ANKS1B: variants seen among roughly 807,000 people sequenced by gnomAD.
ANKS1B encodes ankyrin repeat and sterile alpha motif domain-containing protein 1B.
Under a neutral mutation model 148.3 loss-of-function variants are expected in ANKS1B, and 36 were observed. That is an observed-to-expected ratio of 0.24 (90% CI 0.19 to 0.32). ANKS1B has a LOEUF of 0.32. Among genes scored for constraint, ANKS1B ranks in the 10% least tolerant of loss-of-function variants. ANKS1B has a pLI of 1.00. For missense variants in ANKS1B, 1,157 were observed against 1,542.6 expected, an observed-to-expected ratio of 0.75 and a Z score of 4.19; for synonymous variants, 542 against 560.8, an observed-to-expected ratio of 0.97 and a Z score of 0.47.
chr12:99,433,397 T>G (rs577073314), intron 11 of ANKS1B, among the ~76,000 whole-genome samples: 1 of 152,140 alleles, frequency 6.6e-6, no homozygotes, highest in Non-Finnish European at 1.5e-5. Flanking sequence ...CATGTACAAA[T>G]AAAAGCAGAA....
intron 8 of ANKS1B, among the ~76,000 whole-genome samples, chr12:99,670,733 T>A (rs1369034711): frequency 6.6e-6 from 1 of 152,072 alleles, no homozygotes; most frequent in Non-Finnish European, 1.5e-5. Flanking sequence ...GAGGAGAGAA[T>A]TCACAGAGTG....
intron 4 of ANKS1B, among the ~76,000 whole-genome samples, chr12:99,796,892 A>G (rs2066322779): frequency 1.3e-5 from 2 of 151,980 alleles, no homozygotes; most frequent in South Asian, 4.1e-4. Context: ...AAGAAGACAC[A>G]GAATTCTTCA....
intron 1 of ANKS1B, among the ~76,000 whole-genome samples, chr12:99,854,201 A>G (rs570561060): frequency 6.6e-6 from 1 of 152,178 alleles, no homozygotes; most frequent in Admixed American, 6.5e-5. Context: ...TTTAGTAGAG[A>G]CGGGGTTTCA....
At chr12:99,443,536 T>C in intron 11 of ANKS1B, 137 bp downstream of exon 11, 1 of 889,230 alleles carries the variant, frequency 1.1e-6, no homozygotes, top group Non-Finnish European at 1.6e-6. Flanking sequence ...CATCCTCTTC[T>C]GAGTCCCCTC....
At chr12:98,771,143 G>C (rs930543988) in intron 25 of ANKS1B, among the ~76,000 whole-genome samples, 6 of 152,092 alleles carry the variant, frequency 3.9e-5, no homozygotes, top group African/African-American at 1.4e-4. Flanking sequence ...AAATGGAAGT[G>C]GTGTAATCCC....
intron 17 of ANKS1B, among the ~76,000 whole-genome samples, chr12:98,917,712 G>A (rs927705672): frequency 7.2e-5 from 11 of 152,166 alleles, no homozygotes; most frequent in Non-Finnish European, 1.3e-4. Context: ...TTAGTGAGTA[G>A]CCCTTATCTG....
intron 12 of ANKS1B, among the ~76,000 whole-genome samples, chr12:99,273,042 G>A (rs2077225195): frequency 6.6e-6 from 1 of 152,144 alleles, no homozygotes; most frequent in South Asian, 2.1e-4. Flanking sequence ...TCAAAAGGAG[G>A]GAAAATGGAA....
chr12:99,062,325 A>G (rs1190335577), intron 16 of ANKS1B, among the ~76,000 whole-genome samples: 1 of 152,238 alleles, frequency 6.6e-6, no homozygotes, highest in Non-Finnish European at 1.5e-5. Context: ...GAAGCACTCA[A>G]TAAATCTTTG....
intron 14 of ANKS1B, among the ~76,000 whole-genome samples, chr12:99,162,784 G>A (rs754818768): frequency 2.6e-4 from 39 of 152,196 alleles, no homozygotes; most frequent in South Asian, 8.3e-4. Flanking sequence ...TCTACTGGCC[G>A]GGCGTGGTGG....
At chr12:99,674,106 G>T (rs1044191554) in intron 8 of ANKS1B, among the ~76,000 whole-genome samples, 3 of 151,752 alleles carry the variant, frequency 2.0e-5, no homozygotes, top group African/African-American at 7.2e-5. Flanking sequence ...ATGAAATAAA[G>T]AAATACATGT....
intron 1 of ANKS1B, among the ~76,000 whole-genome samples, chr12:99,952,943 G>C (rs1369735755): frequency 1.3e-5 from 2 of 152,078 alleles, no homozygotes; most frequent in African/African-American, 4.8e-5. Flanking sequence ...AGTTTACATG[G>C]TCTATAGACA....
intron 15 of ANKS1B, among the ~76,000 whole-genome samples, chr12:99,118,174 C>T (rs1212537455): frequency 6.6e-6 from 1 of 152,034 alleles, no homozygotes; most frequent in East Asian, 1.9e-4. Flanking sequence ...TGCAAAAACG[C>T]TAAATTCTAG....
chr12:99,755,665 G>A (rs968265193), intron 8 of ANKS1B, among the ~76,000 whole-genome samples: 13 of 147,868 alleles, frequency 8.8e-5, no homozygotes, highest in African/African-American at 3.2e-4. Context: ...CCATAATCAA[G>A]CAGGCTCTAT....
intron 1 of ANKS1B, among the ~76,000 whole-genome samples, chr12:99,945,721 G>A (rs1251860432): frequency 5.3e-5 from 8 of 152,284 alleles, no homozygotes; most frequent in Middle Eastern, 6.8e-3. Flanking sequence ...TGTTGGTGAC[G>A]TGGAACACAG....
At chr12:98,756,761 C>G (rs1256600872) in intron 25 of ANKS1B, among the ~76,000 whole-genome samples, 1 of 149,844 alleles carries the variant, frequency 6.7e-6, no homozygotes, top group Non-Finnish European at 1.5e-5. Context: ...GAGTCTTGCC[C>G]TTGTTGCCCA....
rs986913749 is a variant in ANKS1B at position 99,867,447 on chromosome 12, G to A, written c.135-42058C>T. Among the ~76,000 whole-genome samples the A allele has an allele frequency of 7.2e-5, 11 of 152,220 alleles. No homozygotes were observed. In the South Asian group the frequency reaches 8.3e-4, roughly 11 times the overall value. ...ATTTATAAAGAAAAAGAGGTTTAAC[G>A]GACTCACAGCTCCACGTGGCTAGGA... On this transcript the variant is annotated intron_variant, in intron 1 of 26. Coordinates refer to ENST00000683438, the MANE Select transcript of ANKS1B (RefSeq NM_001352186.2).
chr12:99,080,961 G>C (rs1452031225), intron 16 of ANKS1B, among the ~76,000 whole-genome samples: 1 of 152,186 alleles, frequency 6.6e-6, no homozygotes, highest in African/African-American at 2.4e-5. Flanking sequence ...AAAAGACAGA[G>C]TTGGGGTTGG....
chr12:99,907,745 A>G (rs2093837652), intron 1 of ANKS1B, among the ~76,000 whole-genome samples: 1 of 151,238 alleles, frequency 6.6e-6, no homozygotes, highest in Admixed American at 6.6e-5. Context: ...GGTGGCAGGT[A>G]AAGCATTCCT....
At chr12:99,076,236 G>T (rs1014109408) in intron 16 of ANKS1B, among the ~76,000 whole-genome samples, 1 of 152,136 alleles carries the variant, frequency 6.6e-6, no homozygotes, top group African/African-American at 2.4e-5. Flanking sequence ...CCCAGACGAG[G>T]GTTGACAGTT....
Sources: gnomAD v4.1 joint callset for allele counts (sites outside exome capture counted in the v4.1 genomes callset) on GRCh38, gnomAD v4.1.1 for gene constraint, MANE v1.5 for transcripts, NCBI Gene and HGNC (gene_info 2026-07-23, HGNC 2026-07-21) for gene names.